The following ASCC1 variants were observed in gnomAD, a reference collection of about 807,000 sequenced individuals.
ASCC1 encodes activating signal cointegrator 1 complex subunit 1.
A neutral mutation model predicts 46.6 loss-of-function variants in ASCC1; 35 were observed. The observed-to-expected ratio is 0.75, with a 90% CI of 0.57 to 0.99. The LOEUF (loss-of-function observed/expected upper bound fraction) is 0.99. Ranked by LOEUF, ASCC1 falls within the 50% of genes least tolerant of loss-of-function variation. The pLI, the probability that ASCC1 is intolerant of heterozygous loss-of-function variation, is 0.00. For missense variants in ASCC1, 376 were observed against 428.7 expected (o/e 0.88, Z 1.09); for synonymous variants, 143 against 146.6 (o/e 0.98, Z 0.18).
chr10:72,166,606 T>A (rs2132761892), intron 5 of ASCC1, among the ~76,000 whole-genome samples: 1 of 151,560 alleles, frequency 6.6e-6, no homozygotes, highest in African/African-American at 2.4e-5. Flanking sequence ...AATCAAAATT[T>A]AAAACTTGTG....
intron 4 of ASCC1, among the ~76,000 whole-genome samples, chr10:72,202,738 A>G (rs898480863): frequency 2.0e-5 from 3 of 152,184 alleles, no homozygotes; most frequent in Non-Finnish European, 4.4e-5. Context: ...TGAGAGCACA[A>G]TGGAAAAGGC....
intron 7 of ASCC1, among the ~76,000 whole-genome samples, chr10:72,146,622 C>G (rs1454252335): frequency 6.6e-6 from 1 of 152,134 alleles, no homozygotes; most frequent in African/African-American, 2.4e-5. Context: ...TGTATAAGTC[C>G]TAACAGCTGA....
At chr10:72,197,030 C>CA in intron 4 of ASCC1, 41 bp from the exon 5 acceptor site, 3 of 1,605,556 alleles carry the variant, frequency 1.9e-6, no homozygotes, top group Non-Finnish European at 1.7e-6. Flanking sequence ...CAAGGACCCC[C>CA]AAATGCTTAT....
Position 72,141,080 on chromosome 10 carries a change from G to GATAGATAGAT in ASCC1, c.747-7900_747-7899insATCTATCTAT, listed in dbSNP as rs759813544. Among the ~76,000 whole-genome samples the GATAGATAGAT allele has an allele frequency of 9.0e-3, 1,269 of 141,052 alleles. 7 individuals carry two copies. The highest frequency in any genetic ancestry group is 0.036 in the Middle Eastern group (9 of 248). 92.5% of individuals were successfully genotyped at this position (141,052 alleles called of 152,430 possible). The stretch of plus-strand genomic sequence containing the variant: ...AGATAGATAGATAGATAGATAGATA[G>GATAGATAGAT]ATAGATATAGATATAGACATAGAGA... On this transcript the variant is annotated intron_variant, in intron 7 of 9. Transcript: ENST00000672957.
At chr10:72,118,840 C>G (rs1417164709) in intron 9 of ASCC1, among the ~76,000 whole-genome samples, 1 of 152,156 alleles carries the variant, frequency 6.6e-6, no homozygotes, top group Non-Finnish European at 1.5e-5. Context: ...GCTAGTCTCC[C>G]TTTGCAAGCA....
intron 5 of ASCC1, 33 bp from the exon 6 acceptor site, chr10:72,161,707 G>T: frequency 1.2e-6 from 2 of 1,613,646 alleles, no homozygotes; most frequent in Non-Finnish European, 1.7e-6. Flanking sequence ...AAGAAACTCA[G>T]CCCATACAAA....
rs779694525 is a variant in ASCC1 at position 72,161,527 on chromosome 10, G to C, written c.626+11C>G. The C allele has an allele frequency of 2.5e-6, 4 of 1,614,094 alleles. No individual in the cohort carries two copies. Among genetic ancestry groups the C allele is most frequent in the Non-Finnish European group, 1.7e-6 (2 of 1,180,020 alleles). On this transcript the variant is annotated intron_variant, in intron 6 of 9. Coordinates refer to ENST00000672957, the MANE Select transcript of ASCC1 (RefSeq NM_001198800.3). ...TAGACCACCCAACCCCCATCCCTGA[G>C]AATTACTCACTTAATGAATTCCTCT...
intron 4 of ASCC1, chr10:72,198,609 A>C: frequency 2.2e-6 from 1 of 455,754 alleles, no homozygotes. Flanking sequence ...AACAGACAAG[A>C]CCAGATCCTT....
chr10:72,106,838 A>C (rs1010464551), intron 9 of ASCC1, among the ~76,000 whole-genome samples: 2 of 152,238 alleles, frequency 1.3e-5, no homozygotes, highest in Non-Finnish European at 2.9e-5. Flanking sequence ...GAGAAATTTA[A>C]GAGTTCCTGG....
intron 4 of ASCC1, among the ~76,000 whole-genome samples, chr10:72,197,579 T>C (rs1345591753): frequency 6.6e-6 from 1 of 151,548 alleles, no homozygotes; most frequent in East Asian, 1.9e-4. Context: ...TAAAATGGTG[T>C]AGTCACTATG....
At chr10:72,173,500 T>C (rs1319395972) in intron 5 of ASCC1, among the ~76,000 whole-genome samples, 3 of 152,040 alleles carry the variant, frequency 2.0e-5, no homozygotes, top group Admixed American at 1.3e-4. Context: ...CGATCGAAAG[T>C]CCTTTTTGGA....
chr10:72,153,041 A>G (rs1589371753), intron 6 of ASCC1, 53 bp from the exon 7 acceptor site: 2 of 1,610,412 alleles, frequency 1.2e-6, no homozygotes, highest in East Asian at 4.5e-5. Flanking sequence ...TAAGAGGGCT[A>G]TTTTATTTTG....
At chr10:72,210,551 T>C (rs899511536) in intron 3 of ASCC1, among the ~76,000 whole-genome samples, 181 bp downstream of exon 3, 1 of 152,208 alleles carries the variant, frequency 6.6e-6, no homozygotes, top group Non-Finnish European at 1.5e-5. Flanking sequence ...ATCAGCTTAG[T>C]GATACATGTG....
chr10:72,186,223 G>A (rs779136789), intron 5 of ASCC1, among the ~76,000 whole-genome samples: 3 of 151,846 alleles, frequency 2.0e-5, no homozygotes, highest in Non-Finnish European at 2.9e-5. Context: ...GAACTCCTGG[G>A]CTTAAGCTAT....
chr10:72,153,737 A>T (rs1415209435), intron 6 of ASCC1, among the ~76,000 whole-genome samples: 3 of 130,092 alleles, frequency 2.3e-5, no homozygotes, highest in Non-Finnish European at 4.9e-5. Context: ...TTTTTATTTT[A>T]TTTTTTTTGA....
chr10:72,180,107 T>C (rs1292513215), intron 5 of ASCC1, among the ~76,000 whole-genome samples: 1 of 151,680 alleles, frequency 6.6e-6, no homozygotes, highest in Non-Finnish European at 1.5e-5. Context: ...TGAAACCCCA[T>C]CTCTACTAAA....
intron 5 of ASCC1, among the ~76,000 whole-genome samples, chr10:72,162,857 C>T (rs1849869933): frequency 1.3e-5 from 2 of 150,734 alleles, no homozygotes; most frequent in Admixed American, 6.6e-5. Context: ...ACAGGAGAAT[C>T]GCTTAAACCT....
rs750074723 is a variant in ASCC1, at chr10:72,203,440, T to A, written c.297A>T (p.Gln99His). Residue 99 changes from glutamine to histidine, a missense_variant, in exon 4 of 10, where the codon CAA becomes CAT. Coordinates refer to ENST00000672957, the MANE Select transcript of ASCC1 (RefSeq NM_001198800.3). ...ACTGAGTCTCACCAATTTCCCCGTC[T>A]TGTCCAGGTTTAGGAATGCTAATAG... is the stretch of plus-strand genomic sequence containing the variant. ...KTSISIPKPG[Q>H]DGEIVITGQH... The A allele has an allele frequency of 4.7e-5, 75 of 1,612,820 alleles. No homozygotes were observed. In the Admixed American group the frequency reaches 1.1e-3, roughly 24 times the overall value.
At chr10:72,118,779 CAAAAAAAAA>C (rs78949961) in intron 9 of ASCC1, among the ~76,000 whole-genome samples, 1 of 137,452 alleles carries the variant, frequency 7.3e-6, no homozygotes, top group African/African-American at 2.7e-5. Flanking sequence ...AACTCCGTCT[CAAAAAAAAA>C]AGAAAAAAAA....
Sources: allele counts gnomAD v4.1 joint callset (sites outside exome capture counted in the v4.1 genomes callset), GRCh38; gene constraint gnomAD v4.1.1; transcripts MANE v1.5; gene names NCBI Gene and HGNC (gene_info 2026-07-23, HGNC 2026-07-21).